ZNF516: variants seen among roughly 807,000 people sequenced by gnomAD.
ZNF516 encodes the protein zinc finger protein 516.
Under a neutral mutation model 79.7 loss-of-function variants are expected in ZNF516, and 19 were observed. That is an observed-to-expected ratio of 0.24 (90% CI 0.17 to 0.35). ZNF516 has a LOEUF of 0.35. Among genes scored for constraint, ZNF516 ranks in the 10% least tolerant of loss-of-function variants. ZNF516 has a pLI of 1.00. For missense variants in ZNF516, 1,678 were observed against 1,679.5 expected, an observed-to-expected ratio of 1.00 and a Z score of 0.02; for synonymous variants, 877 against 739.5, an observed-to-expected ratio of 1.19 and a Z score of -3.02.
Position 76,441,415 on chromosome 18 carries a change from T to C in ZNF516, c.1640A>G (p.Asp547Gly). The change falls in exon 3 of 7, where the codon GAC (aspartate) becomes GGC (glycine). Residue 547 changes from aspartate (D) to glycine (G), a missense_variant. Transcript: ENST00000443185. ...GCGGGCCCGCGCCGCCCTGTCCCCG[T>C]CACTGTCCCTCTCGCGGCGCGCGCG... ...HRRARRERDS[D>G]GDRAARARCG... is the part of the protein sequence containing the mutation. 6.2e-7 allele frequency: 1 copy of C among 1,608,710 alleles called. No homozygotes were observed. Among genetic ancestry groups the C allele is most frequent in the Middle Eastern group, 1.7e-4 (1 of 6,054 alleles).
At position 76,441,640 on chromosome 18, in the gene ZNF516, G is replaced by GTGATGTGGTCCCTCTCGATGTGGCT; in HGVS notation, c.1414_1415insAGCCACATCGAGAGGGACCACATCA (p.Ala472GlufsTer84). 1 of 1,530,272 alleles carries GTGATGTGGTCCCTCTCGATGTGGCT rather than the reference G, an allele frequency of 6.5e-7. No individual in the cohort carries two copies. Among genetic ancestry groups the GTGATGTGGTCCCTCTCGATGTGGCT allele is most frequent in the Admixed American group, 2.0e-5 (1 of 49,990 alleles). The allele number at this position is 1,530,272 out of a possible 1,614,324, so 94.8% of individuals were successfully genotyped here. Reference sequence around the variant, plus strand: ...GCGCTTCCGCGGGGGCCCCTGCGCGGCTGGTGCATCCTGCTCACGCTTGCG... The same window carrying GTGATGTGGTCCCTCTCGATGTGGCT: ...GCGCTTCCGCGGGGGCCCCTGCGCGGTGATGTGGTCCCTCTCGATGTGGCTCTGGTGCATCCTGCTCACGCTTGCG... On this transcript the variant is annotated frameshift_variant, in exon 3 of 7. Transcript: ENST00000443185. LOFTEE classifies it high-confidence loss of function.
intron 1 of ZNF516, among the ~76,000 whole-genome samples, chr18:76,472,133 C>A (rs1199247276): frequency 1.3e-5 from 2 of 152,218 alleles, no homozygotes; most frequent in African/African-American, 4.8e-5. Context: ...AACCTCCTGC[C>A]GGTCCCTTGG....
Position 76,441,684 on chromosome 18 carries a change from G to T in ZNF516, c.1371C>A (p.Val457=). 1 of 1,559,588 alleles carries T rather than the reference G, an allele frequency of 6.4e-7. No individual in the cohort carries two copies. Among genetic ancestry groups the T allele is most frequent in the East Asian group, 2.4e-5 (1 of 41,742 alleles). ...VAFDKDRREY[V]LVSQEKRKRE... ...GCTTGCGCTTCTCCTGGCTCACCAG[G>T]ACGTACTCGCGCCTGTCCTTGTCGA... The change falls in exon 3 of 7, where the codon GTC becomes GTA. Residue 457 remains valine (V), a synonymous_variant. Coordinates refer to ENST00000443185, the MANE Select transcript of ZNF516 (RefSeq NM_014643.4).
chr18:76,366,526 C>T lies in ZNF516; in HGVS notation c.3433-3969G>A, dbSNP rs56811718. Among the ~76,000 whole-genome samples, 607 of 152,262 alleles carry T rather than the reference C, an allele frequency of 4.0e-3. 6 individuals carry two copies. The highest frequency in any genetic ancestry group is 0.023 in the Admixed American group (354 of 15,300). On this transcript the variant is annotated intron_variant, in intron 6 of 6. Transcript: ENST00000443185. ...CAAAGAGAAGCACGCTGGCAGGTTC[C>T]GACAAAGCCACAAGACACCAAGTAA...
intron 2 of ZNF516, among the ~76,000 whole-genome samples, chr18:76,454,225 G>A (rs982775271): frequency 4.6e-5 from 7 of 152,122 alleles, no homozygotes; most frequent in African/African-American, 7.2e-5. Context: ...GCTCATAGAG[G>A]AAAAACAAAC....
chr18:76,438,466 TTC>T (rs201837582), intron 3 of ZNF516, among the ~76,000 whole-genome samples: 1,555 of 152,338 alleles, frequency 0.01, 14 homozygotes, highest in Non-Finnish European at 0.017. Context: ...AAAGTAGACT[TTC>T]TGTCCATGCC....
intron 6 of ZNF516, among the ~76,000 whole-genome samples, chr18:76,369,949 G>GC (rs1489431581): frequency 1.3e-5 from 2 of 152,176 alleles, no homozygotes; most frequent in Admixed American, 1.3e-4. Flanking sequence ...AGAACCGTGT[G>GC]CTAGTGCCAG....
rs2074841165 is a variant in ZNF516 at position 76,379,104 on chromosome 18, A to C, written c.3010T>G (p.Ser1004Ala). 6.2e-7 allele frequency: 1 copy of C among 1,611,460 alleles called. No individual in the cohort carries two copies. Among genetic ancestry groups the C allele is most frequent in the African/African-American group, 1.3e-5 (1 of 74,850 alleles). Residue 1004 changes from serine (S) to alanine (A), a missense_variant, in exon 4 of 7, where the codon TCG becomes GCG. Ser to Ala is a moderately conservative substitution (Grantham distance 99). Transcript: ENST00000443185. ...GTCCTCAGCTCCTGGGCTGCCTTCG[A>C]GGGGGGCTCGCGGGGAGGTAGAGGA... ...APPLPPREPP[S>A]KAAQELRTLA...
chr18:76,494,661 T>G (rs1213295920), intron 1 of ZNF516, among the ~76,000 whole-genome samples: 1 of 151,984 alleles, frequency 6.6e-6, no homozygotes, highest in Non-Finnish European at 1.5e-5. Context: ...CCTTAATAAT[T>G]GAAGCGGCTC....
intron 3 of ZNF516, among the ~76,000 whole-genome samples, chr18:76,401,854 C>T (rs1278605854): frequency 3.4e-5 from 5 of 146,838 alleles, no homozygotes; most frequent in African/African-American, 1.2e-4. Flanking sequence ...AACCACACCC[C>T]CGCGCCGCAC....
intron 1 of ZNF516, among the ~76,000 whole-genome samples, chr18:76,468,163 T>A (rs1913604549): frequency 6.6e-6 from 1 of 152,228 alleles, no homozygotes; most frequent in African/African-American, 2.4e-5. Context: ...TCTCTATGTA[T>A]ACAGAAATGT....
At chr18:76,485,099 C>A (rs2145804225) in intron 1 of ZNF516, among the ~76,000 whole-genome samples, 1 of 152,288 alleles carries the variant, frequency 6.6e-6, no homozygotes, top group South Asian at 2.1e-4. Flanking sequence ...GCTTGCCTCT[C>A]ATTTTAAAAA....
In ZNF516 at chr18:76,379,624, C is replaced by G; in HGVS notation, c.2490G>C (p.Leu830Phe). ...PALGGKECQP[L>F]LLARFTRTQV... is the part of the protein sequence containing the mutation. ...GAGTGCGGGTGAACCGAGCAAGGAGCAAAGGCTGGCATTCTTTGCCACCGA... is the reference window on the plus strand; with the variant it reads ...GAGTGCGGGTGAACCGAGCAAGGAGGAAAGGCTGGCATTCTTTGCCACCGA... The change falls in exon 4 of 7, where the codon TTG becomes TTC. Residue 830 changes from leucine to phenylalanine, a missense_variant. By Grantham distance (22) the Leu-to-Phe change is conservative. This residue lies in a region of ZNF516 where 1,294 missense variants were observed against 1,248.3 expected (regional missense o/e 1.04). Transcript: ENST00000443185. The G allele has an allele frequency of 1.2e-6, 2 of 1,613,664 alleles. No individual in the cohort carries two copies. The highest frequency in any genetic ancestry group is 1.7e-6 in the Non-Finnish European group (2 of 1,179,884).
intron 3 of ZNF516, among the ~76,000 whole-genome samples, chr18:76,428,569 G>A (rs1413295844): frequency 6.6e-6 from 1 of 152,190 alleles, no homozygotes; most frequent in Non-Finnish European, 1.5e-5. Context: ...GTCCAAGAGA[G>A]GAGAGTCCTC....
intron 1 of ZNF516, among the ~76,000 whole-genome samples, chr18:76,491,272 CTCCCCGGCCCCG>C (rs1350530467): frequency 2.4e-5 from 2 of 84,062 alleles, no homozygotes; most frequent in Non-Finnish European, 5.2e-5. Flanking sequence ...ACCCGCCCCC[CTCCCCGGCCCCG>C]GCCCCGGCCC....
rs1343570777 is a variant in ZNF516 at position 76,495,240 on chromosome 18, A to T, written c.-368T>A. 2 of 146,166 alleles carry T rather than the reference A, an allele frequency of 1.4e-5. No individual in the cohort carries two copies. The highest frequency in any genetic ancestry group is 2.5e-5 in the African/African-American group (1 of 40,518). The allele number at this position is 146,166 out of a possible 1,614,324, so 9.1% of individuals were successfully genotyped here. On this transcript the variant is annotated 5_prime_UTR_variant, in exon 1 of 7. Transcript: ENST00000443185. ...CCCGCGGCGCGGAGCCGAGCGCTGCACTAGACCGACCGCGCCAGCTGCGCC... is the reference window on the plus strand; with the variant it reads ...CCCGCGGCGCGGAGCCGAGCGCTGCTCTAGACCGACCGCGCCAGCTGCGCC...
chr18:76,478,988 G>A (rs1310012390), intron 1 of ZNF516, among the ~76,000 whole-genome samples: 2 of 151,894 alleles, frequency 1.3e-5, no homozygotes, highest in East Asian at 1.9e-4. Flanking sequence ...CCTGGGAGGC[G>A]AAGGTTGCAG....
intron 3 of ZNF516, among the ~76,000 whole-genome samples, chr18:76,411,135 C>T (rs184808062): frequency 1.1e-4 from 16 of 152,326 alleles, no homozygotes; most frequent in African/African-American, 3.6e-4. Context: ...GGTCCTCCTC[C>T]GGGATGGAAA....
chr18:76,400,704 A>G (rs749101235), intron 3 of ZNF516, among the ~76,000 whole-genome samples: 3 of 152,258 alleles, frequency 2.0e-5, no homozygotes, highest in Non-Finnish European at 4.4e-5. Context: ...CACATATATA[A>G]ACAAATGTGA....
Sources: gnomAD v4.1 joint callset for allele counts (sites outside exome capture counted in the v4.1 genomes callset) on GRCh38, gnomAD v4.1.1 for gene constraint, gnomAD v4.1.1 regional missense constraint, MANE v1.5 for transcripts, NCBI Gene and HGNC (gene_info 2026-07-23, HGNC 2026-07-21) for gene names.